The following CYP2C19 variants were observed in gnomAD, a reference collection of about 807,000 sequenced individuals.
The protein encoded by CYP2C19 is cytochrome P450 family 2 subfamily C member 19, also known as cytochrome P450 2C19.
In CYP2C19, 59 loss-of-function variants were observed where a neutral mutation model predicts 40.9. The observed-to-expected ratio is 1.44, with a 90% CI of 1.17 to 1.79. The LOEUF (loss-of-function observed/expected upper bound fraction) is 1.79, where lower values mean the gene tolerates loss of function less well. Among genes scored for constraint, CYP2C19 ranks in the 40% most tolerant of loss-of-function variants. CYP2C19 has a pLI of 0.00. For synonymous variants in CYP2C19, 253 were observed against 208.7 expected, an observed-to-expected ratio of 1.21 and a Z score of -1.83; for missense variants, 754 against 596.9, an observed-to-expected ratio of 1.26 and a Z score of -2.74.
At chr10:94,770,553 G>A (rs1413053216) in intron 1 of CYP2C19, among the ~76,000 whole-genome samples, 1 of 151,920 alleles carries the variant, frequency 6.6e-6, no homozygotes, top group Non-Finnish European at 1.5e-5. Context: ...AATGCCTCCA[G>A]ATTTTGTTCA....
At chr10:94,788,435 T>G (rs1425756672) in intron 5 of CYP2C19, among the ~76,000 whole-genome samples, 1 of 152,136 alleles carries the variant, frequency 6.6e-6, no homozygotes, top group East Asian at 1.9e-4. Flanking sequence ...CTGGGGTACA[T>G]CTGCAGAACG....
At chr10:94,850,611 CT>C (rs1324237800) in intron 8 of CYP2C19, among the ~76,000 whole-genome samples, 1 of 152,150 alleles carries the variant, frequency 6.6e-6, no homozygotes, top group Non-Finnish European at 1.5e-5. Flanking sequence ...GATGGAAAAG[CT>C]GTCTGCTTCT....
chr10:94,778,534 A>G (rs1848440552), intron 3 of CYP2C19, among the ~76,000 whole-genome samples: 1 of 152,216 alleles, frequency 6.6e-6, no homozygotes, highest in African/African-American at 2.4e-5. Context: ...ATCACTGGTC[A>G]TTAGAGAATG....
At chr10:94,792,584 A>G (rs1848619043) in intron 5 of CYP2C19, among the ~76,000 whole-genome samples, 1 of 152,144 alleles carries the variant, frequency 6.6e-6, no homozygotes, top group Non-Finnish European at 1.5e-5. Context: ...GCTCGTCTGT[A>G]AAGGATTTTA....
Position 94,780,556 on chromosome 10 carries a change from C to T in CYP2C19, c.539C>T (p.Ser180Phe). 6.2e-7 allele frequency: 1 copy of T among 1,613,938 alleles called. No homozygotes were observed. The highest frequency in any genetic ancestry group is 1.1e-5 in the South Asian group (1 of 91,084). Residue 180 changes from serine to phenylalanine, a missense_variant, in exon 4 of 9, where the codon TCC (serine) becomes TTC (phenylalanine). Physicochemically the swap from Ser to Phe is radical, Grantham distance 155. Coordinates refer to ENST00000371321, the MANE Select transcript of CYP2C19 (RefSeq NM_000769.4). ...TGTGCTCCCTGCAATGTGATCTGCT[C>T]CATTATTTTCCAGAAACGTTTCGAT... ...LGCAPCNVICSIIFQKRFDYK... is the reference protein window; with the variant it reads ...LGCAPCNVICFIIFQKRFDYK...
chr10:94,802,232 C>T (rs765431296), intron 5 of CYP2C19, among the ~76,000 whole-genome samples: 2 of 152,126 alleles, frequency 1.3e-5, no homozygotes, highest in African/African-American at 4.8e-5. Flanking sequence ...TTACAGAGCG[C>T]TGATTGGTGC....
At chr10:94,850,788 C>T (rs1447598711) in intron 8 of CYP2C19, among the ~76,000 whole-genome samples, 1 of 152,144 alleles carries the variant, frequency 6.6e-6, no homozygotes, top group Non-Finnish European at 1.5e-5. Context: ...GATATTAAAA[C>T]CTTTGCCAAA....
chr10:94,784,606 ATTATTTAT>A (rs576229059), intron 5 of CYP2C19, among the ~76,000 whole-genome samples: 4 of 151,612 alleles, frequency 2.6e-5, no homozygotes, highest in South Asian at 4.2e-4. Context: ...GTGGTATCTC[ATTATTTAT>A]TTATTTATTT....
intron 3 of CYP2C19, among the ~76,000 whole-genome samples, chr10:94,778,107 G>A (rs997782831): frequency 9.2e-5 from 14 of 152,166 alleles, no homozygotes; most frequent in African/African-American, 3.4e-4. Context: ...AGAAGCTGGA[G>A]CTGCATGTTT....
intron 5 of CYP2C19, among the ~76,000 whole-genome samples, chr10:94,814,490 G>A (rs918916531): frequency 1.3e-5 from 2 of 151,154 alleles, no homozygotes; most frequent in African/African-American, 2.4e-5. Context: ...GTGTTTGTGT[G>A]CAGGTGACGA....
intron 6 of CYP2C19, among the ~76,000 whole-genome samples, chr10:94,831,751 T>C (rs1413473569): frequency 6.6e-6 from 1 of 152,192 alleles, no homozygotes; most frequent in Non-Finnish European, 1.5e-5. Flanking sequence ...GACTTGATTA[T>C]TAGATTTTTT....
intron 8 of CYP2C19, among the ~76,000 whole-genome samples, chr10:94,851,131 G>C (rs1849647046): frequency 6.6e-6 from 1 of 152,110 alleles, no homozygotes; most frequent in Non-Finnish European, 1.5e-5. Context: ...GAGGTTATTT[G>C]ACTCACAGTT....
At chr10:94,768,043 T>C (rs1451113906) in intron 1 of CYP2C19, among the ~76,000 whole-genome samples, 1 of 152,204 alleles carries the variant, frequency 6.6e-6, no homozygotes, top group African/African-American at 2.4e-5. Flanking sequence ...CACCTTGGGT[T>C]TTTGCACTGA....
chr10:94,848,482 C>T (rs1252333470), intron 7 of CYP2C19, among the ~76,000 whole-genome samples: 1 of 152,124 alleles, frequency 6.6e-6, no homozygotes, highest in Non-Finnish European at 1.5e-5. Flanking sequence ...TTACTGTAGC[C>T]TTGTAGTATA....
chr10:94,801,669 C>T (rs909485368), intron 5 of CYP2C19, among the ~76,000 whole-genome samples: 5 of 152,160 alleles, frequency 3.3e-5, no homozygotes, highest in South Asian at 2.1e-4. Context: ...TGTCATTGAT[C>T]TGTCTGATAT....
At chr10:94,791,002 T>C (rs1039346736) in intron 5 of CYP2C19, among the ~76,000 whole-genome samples, 1 of 152,070 alleles carries the variant, frequency 6.6e-6, no homozygotes, top group African/African-American at 2.4e-5. Flanking sequence ...GGTTCTGGAC[T>C]TTTTTTGGTT....
At chr10:94,829,819 G>A (rs112835152) in intron 6 of CYP2C19, among the ~76,000 whole-genome samples, 37,046 of 147,784 alleles carry the variant, frequency 0.25, 5,032 homozygotes, top group South Asian at 0.43. Context: ...ATGGTGATGT[G>A]CAGATGGGTT....
chr10:94,771,183 T>A (rs1332783312), intron 1 of CYP2C19, among the ~76,000 whole-genome samples: 1 of 151,920 alleles, frequency 6.6e-6, no homozygotes, highest in African/African-American at 2.4e-5. Flanking sequence ...CAAATTTACC[T>A]CCCCCTACAG....
rs1482256816 is a variant in CYP2C19, at chr10:94,764,833, T to TGCCATGGGACCTAGAAAGGGGAGAA, written c.168+1967_168+1991dup. On this transcript the variant is annotated intron_variant, in intron 1 of 8. Coordinates refer to ENST00000371321, the MANE Select transcript of CYP2C19 (RefSeq NM_000769.4). ...TGAAGGTGAGTAATAACAAGATGGC[T>TGCCATGGGACCTAGAAAGGGGAGAA]GCCATGGGACCTAGAAAGGGGAGAA... 1.8e-4 allele frequency among the ~76,000 whole-genome samples: 28 copies of TGCCATGGGACCTAGAAAGGGGAGAA among 152,114 alleles called. 1 individual carries two copies. The highest frequency in any genetic ancestry group is 2.0e-4 in the Admixed American group (3 of 15,282).
Sources: gnomAD v4.1 joint callset for allele counts (sites outside exome capture counted in the v4.1 genomes callset) on GRCh38, gnomAD v4.1.1 for gene constraint, MANE v1.5 for transcripts, NCBI Gene and HGNC (gene_info 2026-07-23, HGNC 2026-07-21) for gene names.